Variants in DSC3 observed in about 807,000 individuals in gnomAD.
DSC3 encodes desmocollin-3.
Under a neutral mutation model 89.5 loss-of-function variants are expected in DSC3, and 97 were observed. The observed-to-expected ratio is 1.08, with a 90% CI of 0.92 to 1.28. The LOEUF is 1.28. DSC3 is among the 50% of genes most tolerant of loss of function. The pLI is 0.00. For synonymous variants in DSC3, 436 were observed against 384.1 expected (o/e 1.14, Z -1.58); for missense variants, 1,199 against 1,085.3 (o/e 1.10, Z -1.47).
rs1403909136 is a variant in DSC3, at chr18:30,990,773, A to G, written c.*3402T>C. 1 of 152,146 alleles carries G rather than the reference A, an allele frequency of 6.6e-6. No individual in the cohort carries two copies. Among genetic ancestry groups the G allele is most frequent in the Admixed American group, 6.5e-5 (1 of 15,272 alleles). The allele number at this position is 152,146 out of a possible 1,614,324, so 9.4% of individuals were successfully genotyped here. ...TGTGTCAGTGTACTATTCATGGAAT[A>G]CTCTGCAATTATAACCACCTTCTAA... On this transcript the variant is annotated 3_prime_UTR_variant, in exon 16 of 16. Transcript: ENST00000360428.
intron 8 of DSC3, 78 bp from the exon 9 acceptor site, chr18:31,018,334 A>G: frequency 9.3e-7 from 1 of 1,075,066 alleles, no homozygotes; most frequent in Admixed American, 2.3e-5. Flanking sequence ...TCCATTCCAA[A>G]AATACTTACC....
intron 12 of DSC3, among the ~76,000 whole-genome samples, chr18:31,005,062 A>G (rs907343908): frequency 6.6e-6 from 1 of 152,230 alleles, no homozygotes; most frequent in African/African-American, 2.4e-5. Flanking sequence ...AGACTAAGTA[A>G]AATGAAAAAG....
Position 31,025,819 on chromosome 18 carries a change from C to A in DSC3, c.571G>T (p.Asp191Tyr), listed in dbSNP as rs1455600835. The A allele has an allele frequency of 6.2e-7, 1 of 1,613,172 alleles. No individual in the cohort carries two copies. Among genetic ancestry groups the A allele is most frequent in the Non-Finnish European group, 8.5e-7 (1 of 1,179,482 alleles). The change falls in exon 5 of 16, where the codon GAC (aspartate) becomes TAC (tyrosine). Residue 191 changes from aspartate to tyrosine, a missense_variant. Transcript: ENST00000360428. ...EPLNLFYIER[D>Y]TGNLFCTRPV... is the part of the protein sequence containing the mutation. ...CGAGTGCAAAATAGATTTCCAGTGT[C>A]TCTTTCTATATAAAACAAATTTAAA...
At chr18:31,006,229 T>G (rs1984834630) in intron 12 of DSC3, among the ~76,000 whole-genome samples, 1 of 152,156 alleles carries the variant, frequency 6.6e-6, no homozygotes, top group Admixed American at 6.5e-5. Flanking sequence ...AGTTCCTCAC[T>G]TCCAGAGTCA....
chr18:30,990,363 T>C lies in DSC3; in HGVS notation c.*3812A>G, dbSNP rs944716791. 2 of 152,262 alleles carry C rather than the reference T, an allele frequency of 1.3e-5. No homozygotes were observed. The highest frequency in any genetic ancestry group is 6.5e-5 in the Admixed American group (1 of 15,296). The allele number at this position is 152,262 out of a possible 1,614,324, so 9.4% of individuals were successfully genotyped here. ...ACCCAATATTCAACCAAATCAATAC[T>C]GAAGGACACGTGAAATGTATCCGGT... On this transcript the variant is annotated 3_prime_UTR_variant, in exon 16 of 16. Transcript: ENST00000360428.
At chr18:31,036,201 A>G (rs1985962663) in intron 1 of DSC3, among the ~76,000 whole-genome samples, 1 of 152,172 alleles carries the variant, frequency 6.6e-6, no homozygotes, top group Non-Finnish European at 1.5e-5. Flanking sequence ...TAGCATATTA[A>G]ATCTCTCTAT....
intron 15 of DSC3, among the ~76,000 whole-genome samples, chr18:30,996,040 G>A (rs573359907): frequency 3.1e-4 from 46 of 146,460 alleles, no homozygotes; most frequent in African/African-American, 1.0e-3. Context: ...GGTGATTTTG[G>A]TATGAACAGA....
chr18:31,019,160 G>A (rs553450603), intron 7 of DSC3, among the ~76,000 whole-genome samples: 6 of 152,268 alleles, frequency 3.9e-5, no homozygotes, highest in South Asian at 4.1e-4. Context: ...GCAGTGGCAC[G>A]ATCTTGGCTC....
At chr18:31,036,623 G>T (rs374258152) in intron 1 of DSC3, among the ~76,000 whole-genome samples, 1 of 151,394 alleles carries the variant, frequency 6.6e-6, no homozygotes, top group East Asian at 1.9e-4. Flanking sequence ...ACAATTTTAT[G>T]ATCAGTTCCC....
chr18:31,008,027 G>A lies in DSC3; in HGVS notation c.1652C>T (p.Ala551Val). The A allele has an allele frequency of 6.2e-7, 1 of 1,611,464 alleles. No individual in the cohort carries two copies. The highest frequency in any genetic ancestry group is 1.3e-5 in the African/African-American group (1 of 74,612). Reference protein sequence around the residue: ...KNELYNITVLAIDKDDRSCTG... With the variant: ...KNELYNITVLVIDKDDRSCTG... ...AACTTTTTTTTTACCTTTGTCTATT[G>A]CCAGGACTGTAATATTATACAACTC... The change falls in exon 11 of 16, where the codon GCA becomes GTA. Residue 551 changes from alanine (A) to valine (V), a missense_variant. Ala to Val is a moderately conservative substitution (Grantham distance 64, BLOSUM62 0). Coordinates refer to ENST00000360428, the MANE Select transcript of DSC3 (RefSeq NM_001941.5).
rs750896293 is a variant in DSC3, at chr18:30,994,342, G to A, written c.2524C>T (p.Arg842Cys). The change falls in exon 16 of 16, where the codon CGC becomes TGC. Residue 842 changes from arginine (R) to cysteine (C), a missense_variant. Physicochemically the swap from Arg to Cys is radical, Grantham distance 180. Transcript: ENST00000360428. ...AGGACATAATCTTGGGATGGCATGC[G>A]GTCTTCATTCTGATTACATCGATGC... ...KLHRCNQNED[R>C]MPSQDYVLTY... The A allele has an allele frequency of 2.0e-5, 33 of 1,613,664 alleles. No individual in the cohort carries two copies. The Admixed American group carries it at 2.2e-4, about 11-fold the overall frequency.
chr18:30,990,844 A>T lies in DSC3; in HGVS notation c.*3331T>A, dbSNP rs1027600000. The T allele has an allele frequency of 6.6e-6, 1 of 151,972 alleles. No individual in the cohort carries two copies. The highest frequency in any genetic ancestry group is 6.6e-5 in the Admixed American group (1 of 15,264). 9.4% of individuals were successfully genotyped at this position (151,972 alleles called of 1,614,324 possible). A position where few individuals can be genotyped will look rare whatever the true frequency, so the allele number is the denominator to read the frequency against. Reference sequence around the variant, plus strand: ...AATTTATTATACATATGTATCATAGATACTCATCTGTAAAGCTGTGCTTCA... The same window carrying T: ...AATTTATTATACATATGTATCATAGTTACTCATCTGTAAAGCTGTGCTTCA... On this transcript the variant is annotated 3_prime_UTR_variant, in exon 16 of 16. Coordinates refer to ENST00000360428, the MANE Select transcript of DSC3 (RefSeq NM_001941.5).
rs276938 is a variant in DSC3 at position 31,031,022 on chromosome 18, C to T, written c.305G>A (p.Arg102Lys). ...AGTAACCTCTTTCTGTGTCTGTTTC[C>T]TTTTGTCAGAAAGCCATATGGTAAA... The part of the protein sequence containing the change: ...RSFTIWLSDK[R>K]KQTQKEVTVL... The change falls in exon 3 of 16, where the codon AGG becomes AAG. Residue 102 changes from arginine (R) to lysine (K), a missense_variant. Physicochemically the swap from Arg to Lys is conservative, Grantham distance 26 (BLOSUM62 2). Transcript: ENST00000360428. 0.35 allele frequency: 568,666 copies of T among 1,612,688 alleles called. 106,029 individuals carry two copies. Among genetic ancestry groups the T allele is most frequent in the East Asian group, 0.72 (32,490 of 44,816 alleles).
In DSC3 at chr18:30,990,519, C is replaced by A. The variant is rs1256427438; in HGVS notation, c.*3656G>T. The A allele has an allele frequency of 1.3e-5, 2 of 152,136 alleles. No individual in the cohort carries two copies. Among genetic ancestry groups the A allele is most frequent in the Non-Finnish European group, 2.9e-5 (2 of 68,024 alleles). 9.4% of individuals were successfully genotyped at this position (152,136 alleles called of 1,614,324 possible). A position where few individuals can be genotyped will look rare whatever the true frequency, so the allele number is the denominator to read the frequency against. ...TTAAAATGTAAGGCTTTTGATATAGCTAATAGATTTTTGAAATGATCAGTC... is the reference window on the plus strand; with the variant it reads ...TTAAAATGTAAGGCTTTTGATATAGATAATAGATTTTTGAAATGATCAGTC... On this transcript the variant is annotated 3_prime_UTR_variant, in exon 16 of 16. Coordinates refer to ENST00000360428, the MANE Select transcript of DSC3 (RefSeq NM_001941.5).
In DSC3 at chr18:30,989,398, T is replaced by C. The variant is rs1009092816; in HGVS notation, c.*4777A>G. Among the ~76,000 whole-genome samples the C allele has an allele frequency of 5.9e-5, 9 of 151,934 alleles. No homozygotes were observed. The highest frequency in any genetic ancestry group is 1.3e-4 in the Non-Finnish European group (9 of 67,980). Reference sequence around the variant, plus strand: ...ATTTCATTTATATGAATGTCCAGAGTAGGCAAATCCATAGAGACAGAAAAG... The same window carrying C: ...ATTTCATTTATATGAATGTCCAGAGCAGGCAAATCCATAGAGACAGAAAAG... On this transcript the variant is annotated 3_prime_UTR_variant, in exon 16 of 16. Coordinates refer to ENST00000360428, the MANE Select transcript of DSC3 (RefSeq NM_001941.5).
At chr18:31,017,690 G>C (rs918600711) in intron 9 of DSC3, among the ~76,000 whole-genome samples, 1 of 152,126 alleles carries the variant, frequency 6.6e-6, no homozygotes, top group African/African-American at 2.4e-5. Flanking sequence ...GAACATAGCA[G>C]CCTTTTCAAA....
At chr18:31,031,596 A>G (rs1985793752) in intron 2 of DSC3, among the ~76,000 whole-genome samples, 2 of 152,160 alleles carry the variant, frequency 1.3e-5, no homozygotes, top group Non-Finnish European at 2.9e-5. Context: ...CCAAAGAGCA[A>G]TGGAGTGTAT....
rs1984356785 is a variant in DSC3 at position 30,993,822 on chromosome 18, A to G, written c.*353T>C. 5.2e-6 allele frequency: 1 copy of G among 194,030 alleles called. No individual in the cohort carries two copies. Among genetic ancestry groups the G allele is most frequent in the Non-Finnish European group, 1.1e-5 (1 of 93,036 alleles). 12.0% of individuals were successfully genotyped at this position (194,030 alleles called of 1,614,324 possible). On this transcript the variant is annotated 3_prime_UTR_variant, in exon 16 of 16. Transcript: ENST00000360428. ...TTTCTTGTTTATTTTTTAAACTATC[A>G]CTTAAAGTGAATACATAATAATGTG...
At chr18:31,004,387 T>C in intron 12 of DSC3, 21 bp from the exon 13 acceptor site, 1 of 1,599,486 alleles carries the variant, frequency 6.3e-7, no homozygotes, top group Admixed American at 1.7e-5. Flanking sequence ...ATAAAAGAAG[T>C]TTATTTTTTA....
Sources: gnomAD v4.1 joint callset for allele counts (sites outside exome capture counted in the v4.1 genomes callset) on GRCh38, gnomAD v4.1.1 for gene constraint, MANE v1.5 for transcripts, NCBI Gene and HGNC (gene_info 2026-07-23, HGNC 2026-07-21) for gene names.